Variants in MYO5B observed in about 807,000 individuals in gnomAD.
MYO5B encodes the protein myosin VB.
MYO5B carries 143 observed loss-of-function variants against 229.3 expected under a neutral mutation model. The observed-to-expected ratio is 0.62, with a 90% CI of 0.54 to 0.72. The LOEUF (loss-of-function observed/expected upper bound fraction) is 0.72, where lower values mean the gene tolerates loss of function less well. Among genes scored for constraint, MYO5B ranks in the 30% least tolerant of loss-of-function variants. The pLI, the probability that MYO5B is intolerant of heterozygous loss-of-function variation, is 0.00. For missense variants in MYO5B, 2,321 were observed against 2,331.0 expected (o/e 1.00, Z 0.09); for synonymous variants, 918 against 885.2 (o/e 1.04, Z -0.66).
At chr18:49,888,956 C>T (rs747388979) in intron 22 of MYO5B, among the ~76,000 whole-genome samples, 10 of 152,222 alleles carry the variant, frequency 6.6e-5, no homozygotes, top group Non-Finnish European at 1.5e-4. Flanking sequence ...CATACACCTG[C>T]CTGCTCAGCC....
chr18:49,955,906 C>G (rs1223556785), intron 12 of MYO5B, among the ~76,000 whole-genome samples: 1 of 152,204 alleles, frequency 6.6e-6, no homozygotes, highest in Non-Finnish European at 1.5e-5. Context: ...CCTAGAAGGA[C>G]TGGCAAAACT....
chr18:50,101,415 A>C (rs1200893130), intron 1 of MYO5B, among the ~76,000 whole-genome samples: 2 of 152,220 alleles, frequency 1.3e-5, no homozygotes, highest in Non-Finnish European at 2.9e-5. Context: ...TCCTAGGCAT[A>C]TTGATTGACA....
In MYO5B at chr18:49,892,280, G is replaced by A. The variant is rs554745313; in HGVS notation, c.3045+2661C>T. On this transcript the variant is annotated intron_variant, in intron 22 of 39. Transcript: ENST00000285039. Reference sequence around the variant, plus strand: ...GCCAAAACAACAGATACCTTTAGTAGAAAAGGATGTCATCTAACCTATGCG... The same window carrying A: ...GCCAAAACAACAGATACCTTTAGTAAAAAAGGATGTCATCTAACCTATGCG... Among the ~76,000 whole-genome samples the A allele has an allele frequency of 2.0e-5, 3 of 152,340 alleles. No homozygotes were observed. The South Asian group carries it at 6.2e-4, about 32-fold the overall frequency.
At chr18:50,119,792 G>T (rs58085202) in intron 1 of MYO5B, among the ~76,000 whole-genome samples, 11 of 152,158 alleles carry the variant, frequency 7.2e-5, no homozygotes, top group Admixed American at 1.3e-4. Flanking sequence ...GAGCTTCAAA[G>T]AAAATTTTTA....
At chr18:50,002,850 C>T (rs1294083064) in intron 4 of MYO5B, among the ~76,000 whole-genome samples, 2 of 152,082 alleles carry the variant, frequency 1.3e-5, no homozygotes, top group African/African-American at 4.8e-5. Flanking sequence ...CCAGCCTGGC[C>T]CTCTTTACAC....
intron 17 of MYO5B, among the ~76,000 whole-genome samples, chr18:49,915,783 G>A (rs563119525): frequency 6.6e-6 from 1 of 152,334 alleles, no homozygotes; most frequent in Non-Finnish European, 1.5e-5. Flanking sequence ...CTGGGGAAGA[G>A]AGAGCCAGAG....
intron 10 of MYO5B, chr18:49,970,113 A>G (rs1230439295): frequency 6.6e-6 from 1 of 152,228 alleles, no homozygotes; most frequent in African/African-American, 2.4e-5. Flanking sequence ...ACAGACTGCA[A>G]TTAATCAGGC....
chr18:50,081,734 T>C (rs1398473924), intron 1 of MYO5B, among the ~76,000 whole-genome samples: 2 of 152,108 alleles, frequency 1.3e-5, no homozygotes, highest in Non-Finnish European at 2.9e-5. Flanking sequence ...AACATTCTGA[T>C]TCACACATGC....
intron 1 of MYO5B, among the ~76,000 whole-genome samples, chr18:50,182,956 A>G (rs1015155863): frequency 1.3e-5 from 2 of 152,196 alleles, no homozygotes; most frequent in Non-Finnish European, 2.9e-5. Context: ...GATTCTACCT[A>G]CAACTTCAAT....
At chr18:50,054,823 G>C (rs1324657198) in intron 2 of MYO5B, among the ~76,000 whole-genome samples, 2 of 152,152 alleles carry the variant, frequency 1.3e-5, no homozygotes, top group Non-Finnish European at 2.9e-5. Context: ...CCATTTTATA[G>C]ATGAAGTAAC....
chr18:49,951,664 G>A (rs1022750398), intron 14 of MYO5B, among the ~76,000 whole-genome samples: 1 of 152,134 alleles, frequency 6.6e-6, no homozygotes, highest in African/African-American at 2.4e-5. Context: ...ACCAGACTCT[G>A]TATTAAATGA....
intron 17 of MYO5B, among the ~76,000 whole-genome samples, chr18:49,913,376 G>A (rs2024978914): frequency 6.6e-6 from 1 of 152,116 alleles, no homozygotes; most frequent in South Asian, 2.1e-4. Flanking sequence ...ATTTTTGGGA[G>A]GTATTCAACA....
At position 49,837,697 on chromosome 18, in the gene MYO5B, C is replaced by A; in HGVS notation, c.4958G>T (p.Cys1653Phe). The change falls in exon 37 of 40, where the codon TGC becomes TTC. Residue 1653 changes from cysteine to phenylalanine, a missense_variant. This residue lies in a region of MYO5B where 208 missense variants were observed against 286.3 expected (regional missense o/e 0.73). Coordinates refer to ENST00000285039, the MANE Select transcript of MYO5B (RefSeq NM_001080467.3). ...SSMADGDNSY[C>F]LEAIIRQMNA... is the part of the protein sequence containing the mutation. The stretch of plus-strand genomic sequence containing the variant: ...CATCTGGCGGATGATAGCTTCCAGG[C>A]AGTATGAGTTATCCCCATCTGCCAT... The A allele has an allele frequency of 6.2e-7, 1 of 1,612,316 alleles. No individual in the cohort carries two copies. The highest frequency in any genetic ancestry group is 8.5e-7 in the Non-Finnish European group (1 of 1,178,918).
intron 20 of MYO5B, 94 bp from the exon 21 acceptor site, chr18:49,902,927 G>T: frequency 6.7e-7 from 1 of 1,502,360 alleles, no homozygotes; most frequent in Non-Finnish European, 9.0e-7. Context: ...GAAGAGGCCA[G>T]GGCAGCCTTG....
chr18:50,116,620 G>A (rs750941869), intron 1 of MYO5B, among the ~76,000 whole-genome samples: 13 of 151,962 alleles, frequency 8.6e-5, no homozygotes, highest in East Asian at 1.9e-4. Context: ...GAATAAGGCC[G>A]TTCCTAACCT....
At chr18:50,055,160 G>A in intron 2 of MYO5B, 108 bp downstream of exon 2, 2 of 780,824 alleles carry the variant, frequency 2.6e-6, no homozygotes, top group South Asian at 3.0e-5. Flanking sequence ...GAGCTCCAAT[G>A]TCCAGGGAAA....
intron 1 of MYO5B, among the ~76,000 whole-genome samples, chr18:50,137,957 A>T (rs1021029773): frequency 2.0e-5 from 3 of 152,218 alleles, no homozygotes; most frequent in Admixed American, 2.0e-4. Context: ...AGAAGGAAGT[A>T]ACAGACATTG....
intron 31 of MYO5B, among the ~76,000 whole-genome samples, chr18:49,852,038 A>C (rs2024207234): frequency 6.6e-6 from 1 of 152,110 alleles, no homozygotes; most frequent in African/African-American, 2.4e-5. Flanking sequence ...GCCCCTACTC[A>C]TGACCCAGTG....
intron 1 of MYO5B, among the ~76,000 whole-genome samples, chr18:50,136,362 TAC>T (rs375921145): frequency 2.6e-5 from 3 of 116,776 alleles, no homozygotes; most frequent in Admixed American, 2.4e-4. Context: ...GTTTTTTTTT[TAC>T]TTTTTTTTTT....
Sources: gnomAD v4.1 joint callset for allele counts (sites outside exome capture counted in the v4.1 genomes callset) on GRCh38, gnomAD v4.1.1 for gene constraint, gnomAD v4.1.1 regional missense constraint, MANE v1.5 for transcripts, NCBI Gene and HGNC (gene_info 2026-07-23, HGNC 2026-07-21) for gene names.